The following KLHL6 variants were observed in gnomAD, a reference collection of about 807,000 sequenced individuals.
KLHL6 encodes kelch-like protein 6.
In KLHL6, 41 loss-of-function variants were observed where a neutral mutation model predicts 58.6. That is an observed-to-expected ratio of 0.70 (90% CI 0.55 to 0.91). The LOEUF (loss-of-function observed/expected upper bound fraction) is 0.91. KLHL6 is among the 40% of genes least tolerant of loss of function. KLHL6 has a pLI of 0.00. For missense variants in KLHL6, 714 were observed against 805.6 expected (o/e 0.89, Z 1.38); for synonymous variants, 338 against 322.7 (o/e 1.05, Z -0.51).
intron 2 of KLHL6, among the ~76,000 whole-genome samples, chr3:183,517,962 G>A (rs893134387): frequency 6.6e-6 from 1 of 152,234 alleles, no homozygotes; most frequent in African/African-American, 2.4e-5. Flanking sequence ...AACACAGGCA[G>A]CTGCAATAGG....
intron 2 of KLHL6, among the ~76,000 whole-genome samples, chr3:183,510,492 C>T (rs1718150503): frequency 6.6e-6 from 1 of 152,124 alleles, no homozygotes; most frequent in Non-Finnish European, 1.5e-5. Flanking sequence ...CCAGAGCATT[C>T]CAGGGAACAC....
intron 3 of KLHL6, among the ~76,000 whole-genome samples, chr3:183,506,708 C>T (rs537443217): frequency 6.6e-6 from 1 of 151,978 alleles, no homozygotes; most frequent in African/African-American, 2.4e-5. Context: ...CATGCCTGTA[C>T]TCCCAGCTAC....
Position 183,517,056 on chromosome 3 carries a change from G to A in KLHL6, c.460-8548C>T, listed in dbSNP as rs181441485. 9.9e-5 allele frequency among the ~76,000 whole-genome samples: 15 copies of A among 152,084 alleles called. No individual in the cohort carries two copies. In the East Asian group the frequency reaches 1.9e-3, roughly 20 times the overall value. On this transcript the variant is annotated intron_variant, in intron 2 of 6. Transcript: ENST00000341319. ...CCCGAGTAGCTGGGATTACAGGCTC[G>A]CACCACCACACCCAGCTAATTTTTA...
chr3:183,555,536 C>T lies in KLHL6; in HGVS notation c.118G>A (p.Glu40Lys), dbSNP rs374005384. The change falls in exon 1 of 7, where the codon GAG (glutamate) becomes AAG (lysine). Residue 40 changes from glutamate to lysine, a missense_variant. Physicochemically the swap from Glu to Lys is moderately conservative, Grantham distance 56. Around this residue, in one of 2 missense-constraint regions of KLHL6, gnomAD observed 204 missense variants for 175.9 expected, o/e 1.16. Coordinates refer to ENST00000341319, the MANE Select transcript of KLHL6 (RefSeq NM_130446.4). ...TTGACCTTTTCCCCATTTAAGATCT[C>T]GACCAAGTCTCCTGTTTTCTGGGAG... The part of the protein sequence containing the change: ...EPSQKTGDLV[E>K]ILNGEKVKFD... The T allele has an allele frequency of 2.1e-5, 34 of 1,614,168 alleles. No individual in the cohort carries two copies. The highest frequency in any genetic ancestry group is 2.7e-5 in the Non-Finnish European group (32 of 1,180,038).
At chr3:183,531,974 G>T (rs1712178994) in intron 1 of KLHL6, among the ~76,000 whole-genome samples, 1 of 152,206 alleles carries the variant, frequency 6.6e-6, no homozygotes, top group Admixed American at 6.5e-5. Context: ...GACTTGGGAA[G>T]CTGTTGGGAT....
chr3:183,493,925 C>T, intron 5 of KLHL6, 154 bp downstream of exon 5: 1 of 705,492 alleles, frequency 1.4e-6, no homozygotes, highest in South Asian at 1.7e-5. Flanking sequence ...GCAATAGCTC[C>T]TAGGAGGAGG....
At chr3:183,551,928 A>C (rs1365448062) in intron 1 of KLHL6, 2 of 152,252 alleles carry the variant, frequency 1.3e-5, no homozygotes, top group African/African-American at 4.8e-5. Context: ...AAGGCAGTGA[A>C]GAGACAGTTC....
rs1717493177 is a variant in KLHL6 at position 183,489,802 on chromosome 3, A to G, written c.*2125T>C. ...TTATCTTCAATAATCTGGCATAAACAGAAATCTCACCTGTAATTTTTCAAG... is the reference window on the plus strand; with the variant it reads ...TTATCTTCAATAATCTGGCATAAACGGAAATCTCACCTGTAATTTTTCAAG... On this transcript the variant is annotated 3_prime_UTR_variant, in exon 7 of 7. Transcript: ENST00000341319. 6.6e-6 allele frequency: 1 copy of G among 152,242 alleles called. No individual in the cohort carries two copies. 9.4% of individuals were successfully genotyped at this position (152,242 alleles called of 1,614,324 possible). A position where few individuals can be genotyped will look rare whatever the true frequency, so the allele number is the denominator to read the frequency against.
At chr3:183,515,149 A>C (rs1258638874) in intron 2 of KLHL6, among the ~76,000 whole-genome samples, 1 of 152,202 alleles carries the variant, frequency 6.6e-6, no homozygotes, top group Admixed American at 6.5e-5. Context: ...CAAAACCAAC[A>C]CAAGAGAGAG....
chr3:183,494,706 T>C (rs186282313), intron 4 of KLHL6, among the ~76,000 whole-genome samples: 99 of 152,312 alleles, frequency 6.5e-4, no homozygotes, highest in Non-Finnish European at 1.1e-3. Context: ...ACATGGCAGC[T>C]TAAATTCTAT....
chr3:183,554,729 A>AG (rs1560115148), intron 1 of KLHL6, among the ~76,000 whole-genome samples: 1 of 152,220 alleles, frequency 6.6e-6, no homozygotes, highest in Non-Finnish European at 1.5e-5. Flanking sequence ...AGTCAGACCA[A>AG]GGGGGAAAAA....
chr3:183,535,190 G>A (rs1214478153), intron 1 of KLHL6, among the ~76,000 whole-genome samples: 5 of 152,038 alleles, frequency 3.3e-5, no homozygotes, highest in Non-Finnish European at 5.9e-5. Context: ...TGATCTGCCC[G>A]CCTCAGCCTC....
chr3:183,506,362 A>G (rs980026152), intron 3 of KLHL6, among the ~76,000 whole-genome samples: 25 of 152,346 alleles, frequency 1.6e-4, no homozygotes, highest in African/African-American at 4.3e-4. Context: ...TTACTCATTC[A>G]CTATATAGCA....
intron 3 of KLHL6, among the ~76,000 whole-genome samples, chr3:183,507,775 C>A (rs1718050957): frequency 6.6e-6 from 1 of 152,138 alleles, no homozygotes; most frequent in South Asian, 2.1e-4. Context: ...GACCCCCAAC[C>A]TCCCACCCTT....
intron 2 of KLHL6, among the ~76,000 whole-genome samples, chr3:183,514,361 T>A (rs1711505769): frequency 6.6e-6 from 1 of 152,032 alleles, no homozygotes; most frequent in Non-Finnish European, 1.5e-5. Context: ...CTAGCCACAA[T>A]TGCACCCATC....
At position 183,530,881 on chromosome 3, in the gene KLHL6, G is replaced by C. The variant is rs1272125058; in HGVS notation, c.294-2871C>G. ...GAGTCTCACTCTGTCACCTAGGCTG[G>C]AGTACAGTGGTGCCATCTCGGCTCA... On this transcript the variant is annotated intron_variant, in intron 1 of 6. Coordinates refer to ENST00000341319, the MANE Select transcript of KLHL6 (RefSeq NM_130446.4). Among the ~76,000 whole-genome samples, 9 of 149,416 alleles carry C rather than the reference G, an allele frequency of 6.0e-5. No individual in the cohort carries two copies. The East Asian group carries it at 1.8e-3, about 30-fold the overall frequency.
intron 1 of KLHL6, among the ~76,000 whole-genome samples, chr3:183,541,735 G>A (rs1461333959): frequency 6.6e-6 from 1 of 152,186 alleles, no homozygotes; most frequent in African/African-American, 2.4e-5. Context: ...AAAGCCAGCA[G>A]TGGTCTCTAT....
intron 1 of KLHL6, among the ~76,000 whole-genome samples, chr3:183,529,730 A>G (rs1447694043): frequency 2.0e-5 from 3 of 151,992 alleles, no homozygotes; most frequent in African/African-American, 4.8e-5. Context: ...GGTTGCAGTG[A>G]GCTGAGATTG....
chr3:183,554,008 T>C (rs768240723), intron 1 of KLHL6, among the ~76,000 whole-genome samples: 12 of 151,954 alleles, frequency 7.9e-5, no homozygotes. Flanking sequence ...AAGAAAACGC[T>C]TTCCATAATA....
Sources: allele counts gnomAD v4.1 joint callset (sites outside exome capture counted in the v4.1 genomes callset), GRCh38; gene constraint gnomAD v4.1.1; regional missense constraint gnomAD v4.1.1; transcripts MANE v1.5; gene names NCBI Gene and HGNC (gene_info 2026-07-23, HGNC 2026-07-21).